The following SMPD3 variants were observed in gnomAD, a reference collection of about 807,000 sequenced individuals.
The protein encoded by SMPD3 is nSMase-2.
A neutral mutation model predicts 55.7 loss-of-function variants in SMPD3; 21 were observed. The observed-to-expected ratio is 0.38, with a 90% CI of 0.27 to 0.54. The LOEUF is 0.54. SMPD3 is among the 20% of genes least tolerant of loss of function. The pLI is 0.80. For synonymous variants in SMPD3, 457 were observed against 404.3 expected, an observed-to-expected ratio of 1.13 and a Z score of -1.56; for missense variants, 842 against 899.6, an observed-to-expected ratio of 0.94 and a Z score of 0.82.
Position 68,361,269 on chromosome 16 carries a change from G to T in SMPD3, c.1905C>A (p.Gly635=). Residue 635 remains glycine (G), a synonymous_variant, in exon 9 of 9, where the codon GGC becomes GGA. Coordinates refer to ENST00000219334, the MANE Select transcript of SMPD3 (RefSeq NM_018667.4). ...EEFSFITQLS[G]LTDHLPVAMR... ...TGGCTACTGGCAGGTGGTCCGTCAG[G>T]CCGGACAGCTGGGTGATAAAACTGA... 1 of 1,612,478 alleles carries T rather than the reference G, an allele frequency of 6.2e-7. No homozygotes were observed. The highest frequency in any genetic ancestry group is 1.1e-5 in the South Asian group (1 of 90,664).
intron 2 of SMPD3, among the ~76,000 whole-genome samples, chr16:68,382,589 C>T (rs989759593): frequency 2.0e-5 from 3 of 152,114 alleles, no homozygotes; most frequent in Admixed American, 6.5e-5. Flanking sequence ...TGGAGCAAGC[C>T]GTGAGCAAGG....
intron 2 of SMPD3, among the ~76,000 whole-genome samples, chr16:68,383,536 C>T (rs2089994539): frequency 6.6e-6 from 1 of 152,162 alleles, no homozygotes; most frequent in Admixed American, 6.5e-5. Context: ...GCCCCTTGGT[C>T]CTGGCGCCAT....
intron 2 of SMPD3, among the ~76,000 whole-genome samples, chr16:68,380,627 A>T (rs948631833): frequency 6.6e-6 from 1 of 152,186 alleles, no homozygotes; most frequent in Non-Finnish European, 1.5e-5. Context: ...CTTCATAGGA[A>T]GGAGACCAGG....
chr16:68,445,577 C>G (rs1182154134), intron 1 of SMPD3, among the ~76,000 whole-genome samples: 1 of 152,230 alleles, frequency 6.6e-6, no homozygotes, highest in Non-Finnish European at 1.5e-5. Context: ...CTCACACTCA[C>G]TCTGAGCCTC....
intron 1 of SMPD3, among the ~76,000 whole-genome samples, chr16:68,429,376 T>C (rs2090462527): frequency 6.6e-6 from 1 of 152,218 alleles, no homozygotes. Context: ...TCAGTTAGCC[T>C]CTGTGCCCAG....
At chr16:68,389,748 G>A (rs1166553249) in intron 1 of SMPD3, among the ~76,000 whole-genome samples, 2 of 152,206 alleles carry the variant, frequency 1.3e-5, no homozygotes, top group East Asian at 1.9e-4. Context: ...AGTTTGGGGT[G>A]AGTGAGAGTG....
chr16:68,396,986 C>G (rs1028632641), intron 1 of SMPD3, among the ~76,000 whole-genome samples: 3 of 152,162 alleles, frequency 2.0e-5, no homozygotes, highest in Non-Finnish European at 4.4e-5. Context: ...ATTCCCTGCA[C>G]AACGTCTTGT....
At chr16:68,372,924 C>T (rs1393839608) in intron 2 of SMPD3, among the ~76,000 whole-genome samples, 1 of 152,202 alleles carries the variant, frequency 6.6e-6, no homozygotes, top group African/African-American at 2.4e-5. Context: ...GAGCAGAGGG[C>T]AGTGTGGCCA....
intron 1 of SMPD3, among the ~76,000 whole-genome samples, chr16:68,398,653 C>G (rs2090180961): frequency 6.6e-6 from 1 of 152,218 alleles, no homozygotes; most frequent in Non-Finnish European, 1.5e-5. Context: ...GCTTTTGTTT[C>G]CTTTCCTCAG....
At chr16:68,448,147 A>G (rs1463996142) in intron 1 of SMPD3, among the ~76,000 whole-genome samples, 2 of 152,126 alleles carry the variant, frequency 1.3e-5, no homozygotes, top group African/African-American at 2.4e-5. Flanking sequence ...CCTCATACCC[A>G]AGAGCCTTCT....
intron 1 of SMPD3, among the ~76,000 whole-genome samples, chr16:68,402,218 C>G (rs1442805047): frequency 6.6e-6 from 1 of 152,168 alleles, no homozygotes; most frequent in Admixed American, 6.5e-5. Flanking sequence ...TGATTGAACC[C>G]TGAGTGATAC....
Position 68,361,603 on chromosome 16 carries a change from G to T in SMPD3, c.1866C>A (p.Ala622=). 1 of 1,607,002 alleles carries T rather than the reference G, an allele frequency of 6.2e-7. No homozygotes were observed. ...TGGCTGCTGGGCCCTCCTGACTCAC[G>T]GCCTTCCAGTCTGGGCACAGCCCCT... The part of the protein sequence containing the change: ...AEEGLCPDWK[A]EVEEFSFITQ... The change falls in exon 8 of 9, where the codon GCC becomes GCA. Residue 622 remains alanine (A), a splice_region_variant and synonymous_variant. Transcript: ENST00000219334.
At chr16:68,375,392 GAGA>G (rs1038978193) in intron 2 of SMPD3, among the ~76,000 whole-genome samples, 10 of 152,322 alleles carry the variant, frequency 6.6e-5, no homozygotes, top group African/African-American at 1.4e-4. Context: ...GATTCGGGAG[GAGA>G]AGGTCTATCC....
intron 1 of SMPD3, among the ~76,000 whole-genome samples, chr16:68,426,226 C>T: frequency 6.6e-6 from 1 of 152,154 alleles, no homozygotes; most frequent in Non-Finnish European, 1.5e-5. Flanking sequence ...TCTACTAAGG[C>T]TTAATGTAGA....
chr16:68,371,322 C>CCGTCCTG lies in SMPD3; in HGVS notation c.853_859dup (p.Gly287AlafsTer64). ...GGGGCTGCCCAGGCTCCCTGAATCC[C>CCGTCCTG]CGTCCTGCTGATTATGGTTGGGCGT... is the stretch of plus-strand genomic sequence containing the variant. On this transcript the variant is annotated frameshift_variant, in exon 3 of 9. Coordinates refer to ENST00000219334, the MANE Select transcript of SMPD3 (RefSeq NM_018667.4). LOFTEE classifies it high-confidence loss of function. 6.3e-7 allele frequency: 1 copy of CCGTCCTG among 1,597,572 alleles called. No homozygotes were observed. Among genetic ancestry groups the CCGTCCTG allele is most frequent in the South Asian group, 1.1e-5 (1 of 90,562 alleles).
intron 1 of SMPD3, among the ~76,000 whole-genome samples, chr16:68,425,281 G>A (rs1404377900): frequency 6.6e-6 from 1 of 152,246 alleles, no homozygotes; most frequent in Non-Finnish European, 1.5e-5. Context: ...GAGGTGCACC[G>A]AAGTCAAGGC....
rs558931941 is a variant in SMPD3, at chr16:68,447,803, G to A, written c.-269+550C>T. Among the ~76,000 whole-genome samples the A allele has an allele frequency of 2.0e-5, 3 of 152,198 alleles. No homozygotes were observed. The highest frequency in any genetic ancestry group is 7.2e-5 in the African/African-American group (3 of 41,526). ...AACCCTAGGGCCAAGGGAGGAGGGG[G>A]GAATAGGGAGGGGGGCGAGTGTGGA... On this transcript the variant is annotated intron_variant, in intron 1 of 8. Transcript: ENST00000219334. This position sits in a 1 kb window ranked among gnomAD's most constrained non-coding sequence, Gnocchi z 5.1.
chr16:68,365,578 G>A (rs1431688325), intron 3 of SMPD3, among the ~76,000 whole-genome samples: 1 of 152,142 alleles, frequency 6.6e-6, no homozygotes, highest in Non-Finnish European at 1.5e-5. Flanking sequence ...ACAGCAAGAG[G>A]CCCAGACCCT....
intron 1 of SMPD3, among the ~76,000 whole-genome samples, chr16:68,392,413 T>C (rs2152005309): frequency 6.6e-6 from 1 of 152,302 alleles, no homozygotes; most frequent in South Asian, 2.1e-4. Flanking sequence ...GTTTGCTAGT[T>C]TAGGTGTATT....
Sources: allele counts gnomAD v4.1 joint callset (sites outside exome capture counted in the v4.1 genomes callset), GRCh38; gene constraint gnomAD v4.1.1; non-coding constraint Gnocchi (gnomAD v3.1); transcripts MANE v1.5; gene names NCBI Gene and HGNC (gene_info 2026-07-23, HGNC 2026-07-21).